Variants in SERPINI1 observed in about 807,000 individuals in gnomAD.
SERPINI1 encodes the protein serpin family I member 1.
In SERPINI1, 19 loss-of-function variants were observed where a neutral mutation model predicts 41.1. That is an observed-to-expected ratio of 0.46 (90% CI 0.32 to 0.68). The LOEUF (loss-of-function observed/expected upper bound fraction) is 0.68, where lower values mean the gene tolerates loss of function less well. Ranked by LOEUF, SERPINI1 falls within the 30% of genes least tolerant of loss-of-function variation. The pLI, the probability that SERPINI1 is intolerant of heterozygous loss-of-function variation, is 0.03. For missense variants in SERPINI1, 460 were observed against 479.2 expected, an observed-to-expected ratio of 0.96 and a Z score of 0.37; for synonymous variants, 138 against 156.6, an observed-to-expected ratio of 0.88 and a Z score of 0.89.
At chr3:167,794,588 G>C in intron 4 of SERPINI1, 32 bp from the exon 5 acceptor site, 1 of 1,592,252 alleles carries the variant, frequency 6.3e-7, no homozygotes, top group Middle Eastern at 1.8e-4. Flanking sequence ...AGCTTTGATA[G>C]GCATCTTTTA....
chr3:167,800,443 G>A (rs1727862712), intron 5 of SERPINI1, among the ~76,000 whole-genome samples: 1 of 152,128 alleles, frequency 6.6e-6, no homozygotes. Context: ...TCTAAATTGA[G>A]TTTTTTAAAC....
intron 1 of SERPINI1, among the ~76,000 whole-genome samples, chr3:167,738,301 A>G (rs1184525163): frequency 6.6e-6 from 1 of 152,080 alleles, no homozygotes; most frequent in Non-Finnish European, 1.5e-5. Flanking sequence ...TTAGCCAAAA[A>G]CCTTGGTTAA....
At chr3:167,816,008 T>C (rs1712074167) in intron 6 of SERPINI1, among the ~76,000 whole-genome samples, 1 of 152,178 alleles carries the variant, frequency 6.6e-6, no homozygotes, top group Non-Finnish European at 1.5e-5. Context: ...TACTTTAGAT[T>C]ATTGTCTTAT....
At chr3:167,804,775 C>T (rs767832030) in intron 5 of SERPINI1, among the ~76,000 whole-genome samples, 7 of 151,986 alleles carry the variant, frequency 4.6e-5, no homozygotes, top group Non-Finnish European at 1.0e-4. Context: ...CCTGGGGGTT[C>T]GAGGCTGCAG....
At chr3:167,756,393 G>A (rs1030986739) in intron 1 of SERPINI1, among the ~76,000 whole-genome samples, 1 of 152,084 alleles carries the variant, frequency 6.6e-6, no homozygotes, top group Non-Finnish European at 1.5e-5. Context: ...GACCTCCCAG[G>A]CTCAGGTCAT....
rs191820364 is a variant in SERPINI1 at position 167,758,467 on chromosome 3, T to C, written c.-19+22644T>C. On this transcript the variant is annotated intron_variant, in intron 1 of 8. Transcript: ENST00000446050. ...GCTATTTCTTATAGTAGAATTCCAA[T>C]TGATGAATGTAGAAAGAATGATGGA... Among the ~76,000 whole-genome samples the C allele has an allele frequency of 2.8e-4, 43 of 152,294 alleles. 1 individual carries two copies. The highest frequency in any genetic ancestry group is 2.2e-3 in the Admixed American group (34 of 15,298).
intron 1 of SERPINI1, among the ~76,000 whole-genome samples, chr3:167,774,079 A>AT (rs970399975): frequency 2.0e-5 from 3 of 152,118 alleles, no homozygotes; most frequent in African/African-American, 7.2e-5. Context: ...AATAATAAAG[A>AT]TTTTTTTCCA....
At chr3:167,808,237 G>GA (rs1317252468) in intron 6 of SERPINI1, among the ~76,000 whole-genome samples, 1 of 149,402 alleles carries the variant, frequency 6.7e-6, no homozygotes, top group South Asian at 2.1e-4. Flanking sequence ...AATATCCCAA[G>GA]AAAAAAATCC....
chr3:167,751,193 A>T (rs1726039996), intron 1 of SERPINI1, among the ~76,000 whole-genome samples: 1 of 152,106 alleles, frequency 6.6e-6, no homozygotes, highest in Admixed American at 6.6e-5. Flanking sequence ...TCTTTAGGTA[A>T]GGAATATCCT....
At chr3:167,744,824 TATA>T (rs1725811820) in intron 1 of SERPINI1, among the ~76,000 whole-genome samples, 2 of 119,234 alleles carry the variant, frequency 1.7e-5, no homozygotes, top group South Asian at 2.4e-4. Context: ...TAGTTATATA[TATA>T]ATATATATAT....
chr3:167,750,301 C>G (rs529978298), intron 1 of SERPINI1, among the ~76,000 whole-genome samples: 4 of 152,230 alleles, frequency 2.6e-5, no homozygotes, highest in African/African-American at 9.6e-5. Flanking sequence ...TGATTAATTA[C>G]ACATTATGTA....
intron 5 of SERPINI1, among the ~76,000 whole-genome samples, chr3:167,803,057 C>T (rs1329820671): frequency 6.6e-6 from 1 of 151,334 alleles, no homozygotes; most frequent in Non-Finnish European, 1.5e-5. Context: ...TATTCTCACT[C>T]ATAGGTGGGA....
At chr3:167,774,108 C>G (rs1726885112) in intron 1 of SERPINI1, among the ~76,000 whole-genome samples, 1 of 152,034 alleles carries the variant, frequency 6.6e-6, no homozygotes, top group African/African-American at 2.4e-5. Context: ...AATTAGTATA[C>G]ATTTTTAAAA....
At chr3:167,795,864 A>G (rs981820614) in intron 5 of SERPINI1, among the ~76,000 whole-genome samples, 15 of 152,164 alleles carry the variant, frequency 9.9e-5, no homozygotes, top group African/African-American at 3.6e-4. Context: ...AGGCCAGTAA[A>G]CACGTAGAAC....
At chr3:167,809,303 T>A (rs1711781391) in intron 6 of SERPINI1, among the ~76,000 whole-genome samples, 1 of 152,216 alleles carries the variant, frequency 6.6e-6, no homozygotes, top group African/African-American at 2.4e-5. Context: ...CTGGCCAAAT[T>A]CCAATTGGAT....
At chr3:167,787,681 A>G (rs1156942881) in intron 1 of SERPINI1, among the ~76,000 whole-genome samples, 2 of 152,232 alleles carry the variant, frequency 1.3e-5, no homozygotes, top group African/African-American at 2.4e-5. Flanking sequence ...CATATTTACA[A>G]AGAGGCTGAG....
chr3:167,795,032 T>A (rs1363257738), intron 5 of SERPINI1, among the ~76,000 whole-genome samples: 1 of 152,158 alleles, frequency 6.6e-6, no homozygotes, highest in African/African-American at 2.4e-5. Context: ...TCTTTCATAC[T>A]CATGTGGTCC....
chr3:167,771,379 A>G (rs1726742701), intron 1 of SERPINI1, among the ~76,000 whole-genome samples: 1 of 152,214 alleles, frequency 6.6e-6, no homozygotes, highest in Non-Finnish European at 1.5e-5. Context: ...TATCCAACAT[A>G]TGCTGTTAAA....
intron 4 of SERPINI1, among the ~76,000 whole-genome samples, chr3:167,793,602 AAT>A (rs1727606044): frequency 1.1e-5 from 1 of 87,384 alleles, no homozygotes; most frequent in Admixed American, 1.0e-4. Flanking sequence ...ATATATTTTT[AAT>A]TAGCTAGGCA....
Sources: gnomAD v4.1 joint callset for allele counts (sites outside exome capture counted in the v4.1 genomes callset) on GRCh38, gnomAD v4.1.1 for gene constraint, MANE v1.5 for transcripts, NCBI Gene and HGNC (gene_info 2026-07-23, HGNC 2026-07-21) for gene names.